ATP2C1: variants seen among roughly 807,000 people sequenced by gnomAD.
ATP2C1 encodes the protein ATPase secretory pathway Ca2+ transporting 1, also known as calcium-transporting ATPase type 2C member 1.
A neutral mutation model predicts 120.5 loss-of-function variants in ATP2C1; 31 were observed. The observed-to-expected ratio is 0.26, with a 90% CI of 0.19 to 0.35. The LOEUF (loss-of-function observed/expected upper bound fraction) is 0.35, where lower values mean the gene tolerates loss of function less well. Ranked by LOEUF, ATP2C1 falls within the 10% of genes least tolerant of loss-of-function variation. The pLI, the probability that ATP2C1 is intolerant of heterozygous loss-of-function variation, is 1.00. For missense variants in ATP2C1, 731 were observed against 1,107.5 expected (o/e 0.66, Z 4.83); for synonymous variants, 351 against 358.7 (o/e 0.98, Z 0.24).
chr3:131,013,135 A>G (rs2063398498), intron 26 of ATP2C1, among the ~76,000 whole-genome samples: 1 of 152,196 alleles, frequency 6.6e-6, no homozygotes, highest in Admixed American at 6.5e-5. Flanking sequence ...TTTATTTTCA[A>G]GTTCTCATTT....
intron 2 of ATP2C1, among the ~76,000 whole-genome samples, chr3:130,924,274 G>T (rs767107129): frequency 3.9e-5 from 6 of 151,912 alleles, no homozygotes; most frequent in Non-Finnish European, 7.4e-5. Context: ...TTTGGTAGTG[G>T]CAAATTCTCC....
At chr3:130,937,000 A>G (rs1256882508) in intron 5 of ATP2C1, among the ~76,000 whole-genome samples, 1 of 147,474 alleles carries the variant, frequency 6.8e-6, no homozygotes, top group African/African-American at 2.4e-5. Flanking sequence ...AATTTAAAAC[A>G]CTGCTATTTT....
intron 26 of ATP2C1, among the ~76,000 whole-genome samples, chr3:131,011,636 ATCT>A (rs2063320217): frequency 6.6e-6 from 1 of 152,216 alleles, no homozygotes; most frequent in Admixed American, 6.5e-5. Context: ...AGGTCTGAGA[ATCT>A]TCTTGTGATT....
chr3:130,971,846 A>G (rs372447894), intron 17 of ATP2C1, among the ~76,000 whole-genome samples: 15 of 152,322 alleles, frequency 9.8e-5, no homozygotes, highest in African/African-American at 3.1e-4. Flanking sequence ...TGAAAACAGA[A>G]TGATTAAGAA....
Position 130,995,930 on chromosome 3 carries a change from C to G in ATP2C1, c.2058-113C>G, listed in dbSNP as rs1395337712. 9.1e-6 allele frequency: 7 copies of G among 772,354 alleles called. No individual in the cohort carries two copies. In the East Asian group the frequency reaches 1.8e-4, roughly 20 times the overall value. 47.8% of individuals were successfully genotyped at this position (772,354 alleles called of 1,614,324 possible). A position where few individuals can be genotyped will look rare whatever the true frequency, so the allele number is the denominator to read the frequency against. On this transcript the variant is annotated intron_variant, in intron 22 of 27. Transcript: ENST00000510168. Reference sequence around the variant, plus strand: ...AGTGTGCTGGGATTACAGGCATGAGCCACAGTGCCCGGTTGGAAATTTATT... The same window carrying G: ...AGTGTGCTGGGATTACAGGCATGAGGCACAGTGCCCGGTTGGAAATTTATT...
At chr3:130,963,182 T>C (rs1293739242) in intron 12 of ATP2C1, 6 of 152,054 alleles carry the variant, frequency 3.9e-5, no homozygotes, top group Non-Finnish European at 8.8e-5. Context: ...ATTTACAGTT[T>C]TAAAGAGTTA....
At chr3:130,917,815 T>A (rs961409169) in intron 2 of ATP2C1, among the ~76,000 whole-genome samples, 2 of 152,232 alleles carry the variant, frequency 1.3e-5, no homozygotes, top group African/African-American at 4.8e-5. Context: ...TTTCCCCTTC[T>A]CCCAGCCTCT....
At chr3:130,879,152 TC>T (rs1247087354) in intron 1 of ATP2C1, among the ~76,000 whole-genome samples, 1 of 152,068 alleles carries the variant, frequency 6.6e-6, no homozygotes, top group East Asian at 1.9e-4. Flanking sequence ...GCCTCCTGGG[TC>T]CCAGTTCAAG....
In ATP2C1 at chr3:130,894,372, A is replaced by G. The variant is rs1478539672; in HGVS notation, c.-181+35A>G. 1 of 1,099,968 alleles carries G rather than the reference A, an allele frequency of 9.1e-7. No individual in the cohort carries two copies. 68.1% of individuals were successfully genotyped at this position (1,099,968 alleles called of 1,614,324 possible). A position where few individuals can be genotyped will look rare whatever the true frequency, so the allele number is the denominator to read the frequency against. On this transcript the variant is annotated intron_variant, in intron 1 of 27. Transcript: ENST00000510168. This position sits in a 1 kb window ranked among gnomAD's most constrained non-coding sequence, Gnocchi z 4.5. ...AGTATTACCTCCTGCCCCCATTTCTAGAAACTTCCAGGTTCTGAAGGAAGG... is the reference window on the plus strand; with the variant it reads ...AGTATTACCTCCTGCCCCCATTTCTGGAAACTTCCAGGTTCTGAAGGAAGG...
chr3:131,016,358 C>G (rs2063634117), exon 27 of ATP2C1: 1 of 1,613,780 alleles, frequency 6.2e-7, no homozygotes, highest in South Asian at 1.1e-5. Flanking sequence ...AGAAACAGCC[C>G]AAGGGCAGTA....
At position 130,972,007 on chromosome 3, in the gene ATP2C1, C is replaced by T. The variant is rs548081972; in HGVS notation, c.1413+2611C>T. Among the ~76,000 whole-genome samples, 4 of 152,268 alleles carry T rather than the reference C, an allele frequency of 2.6e-5. No individual in the cohort carries two copies. In the East Asian group the frequency reaches 7.7e-4, roughly 29 times the overall value. ...GCCTGGTCTCGTAAGGCAGTGGTCC[C>T]CAGCCTTTTTGGCACCAGGGACTGG... is the stretch of plus-strand genomic sequence containing the variant. On this transcript the variant is annotated intron_variant, in intron 17 of 27. Coordinates refer to ENST00000510168, the MANE Select transcript of ATP2C1 (RefSeq NM_001378687.1).
At chr3:130,862,804 G>T (rs1209033216) in intron 1 of ATP2C1, among the ~76,000 whole-genome samples, 1 of 152,156 alleles carries the variant, frequency 6.6e-6, no homozygotes, top group Non-Finnish European at 1.5e-5. Context: ...GAAATCTAAG[G>T]GTATCCCCAT....
chr3:130,876,763 T>C (rs1340383954), intron 1 of ATP2C1, among the ~76,000 whole-genome samples: 1 of 151,716 alleles, frequency 6.6e-6, no homozygotes, highest in Admixed American at 6.6e-5. Context: ...TGTCTTTCCA[T>C]TGTTTTTGTG....
chr3:130,927,037 C>G (rs1392933292), intron 2 of ATP2C1, among the ~76,000 whole-genome samples: 1 of 152,198 alleles, frequency 6.6e-6, no homozygotes, highest in East Asian at 1.9e-4. Context: ...TCCTTTTACC[C>G]TTCACCTCTA....
chr3:130,968,429 A>G (rs965426249), intron 16 of ATP2C1, among the ~76,000 whole-genome samples: 4 of 152,202 alleles, frequency 2.6e-5, no homozygotes, highest in African/African-American at 9.6e-5. Flanking sequence ...ACACTGAGTC[A>G]CATATAAGAT....
At position 130,984,243 on chromosome 3, in the gene ATP2C1, T is replaced by C. The variant is rs79838125; in HGVS notation, c.1839+3564T>C. Among the ~76,000 whole-genome samples, 746 of 152,262 alleles carry C rather than the reference T, an allele frequency of 4.9e-3. 10 individuals carry two copies. Among genetic ancestry groups the C allele is most frequent in the African/African-American group, 0.017 (712 of 41,556 alleles). ...TTGTTTGCTGTTTCTTTGAATATTA[T>C]TGAACCTAAGATGTACCCAACTCTG... is the stretch of plus-strand genomic sequence containing the variant. On this transcript the variant is annotated intron_variant, in intron 20 of 27. Transcript: ENST00000510168.
At chr3:130,958,262 A>G (rs1317124240) in intron 11 of ATP2C1, among the ~76,000 whole-genome samples, 2 of 152,086 alleles carry the variant, frequency 1.3e-5, no homozygotes, top group Admixed American at 1.3e-4. Context: ...ACTAGATAGT[A>G]AATATTTTAG....
intron 12 of ATP2C1, among the ~76,000 whole-genome samples, chr3:130,961,564 G>C (rs1238331209): frequency 6.6e-6 from 1 of 151,910 alleles, no homozygotes; most frequent in East Asian, 1.9e-4. Context: ...GAAAAATGAT[G>C]GAATCATTGA....
chr3:131,003,812 A>G (rs2062998918), downstream of ATP2C1, among the ~76,000 whole-genome samples: 2 of 152,222 alleles, frequency 1.3e-5, no homozygotes, highest in African/African-American at 2.4e-5. Flanking sequence ...TTGATATACT[A>G]TATAAGTAAA....
Sources: allele counts gnomAD v4.1 joint callset (sites outside exome capture counted in the v4.1 genomes callset), GRCh38; gene constraint gnomAD v4.1.1; non-coding constraint Gnocchi (gnomAD v3.1); transcripts MANE v1.5; gene names NCBI Gene and HGNC (gene_info 2026-07-23, HGNC 2026-07-21).